DLG2: variants seen among roughly 807,000 people sequenced by gnomAD.
DLG2 encodes discs large MAGUK scaffold protein 2, also known as disks large homolog 2.
In DLG2, 45 loss-of-function variants were observed where a neutral mutation model predicts 132.5. The ratio of observed to expected loss-of-function variants is 0.34; its 90% CI spans 0.27 to 0.44. The LOEUF is 0.44. Ranked by LOEUF, DLG2 falls within the 20% of genes least tolerant of loss-of-function variation. DLG2 has a pLI of 1.00. For missense variants in DLG2, 1,045 were observed against 1,196.9 expected (o/e 0.87, Z 1.87); for synonymous variants, 424 against 419.6 (o/e 1.01, Z -0.13).
At chr11:85,391,589 A>G (rs1469633050) in intron 3 of DLG2, among the ~76,000 whole-genome samples, 3 of 152,172 alleles carry the variant, frequency 2.0e-5, no homozygotes, top group Admixed American at 6.6e-5. Flanking sequence ...ATCATCCACC[A>G]TGATCAAGTG....
intron 6 of DLG2, among the ~76,000 whole-genome samples, chr11:84,598,797 C>T (rs907532165): frequency 6.6e-5 from 10 of 151,690 alleles, no homozygotes; most frequent in Admixed American, 3.3e-4. Context: ...AAAATTTAGC[C>T]GGGCATGGTG....
chr11:83,636,433 T>C (rs1451806533), intron 18 of DLG2, among the ~76,000 whole-genome samples: 2 of 152,174 alleles, frequency 1.3e-5, no homozygotes, highest in Non-Finnish European at 2.9e-5. Flanking sequence ...ACTGAAATTG[T>C]CCATTTTCAT....
chr11:84,044,384 T>G lies in DLG2; in HGVS notation c.919+14931A>C, dbSNP rs117978603. The stretch of plus-strand genomic sequence containing the variant: ...GGGCAGCTCAATTGGACATTCTATT[T>G]GCTCTGATATAACGCATGTGACTGG... On this transcript the variant is annotated intron_variant, in intron 11 of 27. Transcript: ENST00000376104. Among the ~76,000 whole-genome samples, 11 of 151,914 alleles carry G rather than the reference T, an allele frequency of 7.2e-5. 1 individual carries two copies. The East Asian group carries it at 2.1e-3, about 30-fold the overall frequency.
At chr11:84,866,116 C>G (rs1001575264) in intron 6 of DLG2, among the ~76,000 whole-genome samples, 10 of 152,182 alleles carry the variant, frequency 6.6e-5, no homozygotes, top group African/African-American at 2.4e-4. Flanking sequence ...ATGATAGAAG[C>G]CAGGGTAATC....
intron 6 of DLG2, among the ~76,000 whole-genome samples, chr11:84,560,356 C>T (rs1383389435): frequency 1.3e-5 from 2 of 152,104 alleles, no homozygotes; most frequent in Non-Finnish European, 2.9e-5. Flanking sequence ...ATTAGGAGGG[C>T]TCACATTTTA....
At chr11:83,962,372 C>G (rs114592262) in intron 14 of DLG2, among the ~76,000 whole-genome samples, 2,626 of 152,112 alleles carry the variant, frequency 0.017, 80 homozygotes, top group African/African-American at 0.059. Context: ...TACCCTGGGA[C>G]AGGTCACTCT....
At chr11:83,818,817 G>A (rs575479685) in intron 17 of DLG2, among the ~76,000 whole-genome samples, 2 of 152,214 alleles carry the variant, frequency 1.3e-5, no homozygotes, top group African/African-American at 2.4e-5. Flanking sequence ...GAATATGAAC[G>A]TAAAAAGACA....
At chr11:84,903,992 T>C (rs1012222038) in intron 6 of DLG2, among the ~76,000 whole-genome samples, 5 of 152,270 alleles carry the variant, frequency 3.3e-5, no homozygotes, top group African/African-American at 9.6e-5. Flanking sequence ...CAAATGACTA[T>C]AGGCTTATGC....
chr11:85,053,199 A>C (rs930268699), intron 6 of DLG2, among the ~76,000 whole-genome samples: 2 of 152,124 alleles, frequency 1.3e-5, no homozygotes, highest in Non-Finnish European at 2.9e-5. Context: ...ATTATCATTG[A>C]ATTACCTTCC....
In DLG2 at chr11:84,153,949, G is replaced by A. The variant is rs116610954; in HGVS notation, c.624+9512C>T. On this transcript the variant is annotated intron_variant, in intron 9 of 27. Transcript: ENST00000376104. ...GCACTGATTCTTTCTCACCTGAGAC[G>A]GCTGCATTCCTTTATCTTACATTGC... Among the ~76,000 whole-genome samples the A allele has an allele frequency of 1.4e-3, 212 of 152,216 alleles. 1 individual carries two copies. Among genetic ancestry groups the A allele is most frequent in the African/African-American group, 4.6e-3 (190 of 41,544 alleles).
chr11:85,417,492 T>C (rs985188894), intron 3 of DLG2, among the ~76,000 whole-genome samples: 2 of 152,140 alleles, frequency 1.3e-5, no homozygotes, highest in African/African-American at 4.8e-5. Context: ...TCTTTTTCTA[T>C]TGGTTGGAAT....
chr11:84,645,919 C>T (rs992270221), intron 6 of DLG2, among the ~76,000 whole-genome samples: 8 of 152,284 alleles, frequency 5.3e-5, no homozygotes, highest in African/African-American at 1.9e-4. Flanking sequence ...ACCTGGTTCA[C>T]AACATTCAGG....
At chr11:84,803,581 A>G (rs2075669861) in intron 6 of DLG2, among the ~76,000 whole-genome samples, 1 of 152,196 alleles carries the variant, frequency 6.6e-6, no homozygotes, top group South Asian at 2.1e-4. Context: ...CTTACACTAC[A>G]TGACTACCCT....
At chr11:85,550,438 C>T (rs2076596320) in intron 3 of DLG2, among the ~76,000 whole-genome samples, 1 of 152,260 alleles carries the variant, frequency 6.6e-6, no homozygotes, top group South Asian at 2.1e-4. Context: ...CCTGCACCCA[C>T]TCACCTGCGT....
chr11:84,283,607 C>A lies in DLG2; in HGVS notation c.520-32316G>T, dbSNP rs138683943. On this transcript the variant is annotated intron_variant, in intron 7 of 27. Transcript: ENST00000376104. ...TAAGGTAATTGTAGATTCACCTTTCCTAACCACCATTACACCCTAGTCTAA... is the reference window on the plus strand; with the variant it reads ...TAAGGTAATTGTAGATTCACCTTTCATAACCACCATTACACCCTAGTCTAA... 7.9e-5 allele frequency among the ~76,000 whole-genome samples: 12 copies of A among 152,214 alleles called. No homozygotes were observed. In the East Asian group the frequency reaches 2.3e-3, roughly 29 times the overall value.
intron 4 of DLG2, among the ~76,000 whole-genome samples, chr11:85,237,046 A>G (rs553664050): frequency 2.7e-4 from 41 of 152,206 alleles, no homozygotes; most frequent in Admixed American, 2.4e-3. Flanking sequence ...TCATGAGACC[A>G]TAACAATCTG....
intron 3 of DLG2, among the ~76,000 whole-genome samples, chr11:85,523,267 C>T (rs1016404850): frequency 1.3e-5 from 2 of 152,030 alleles, no homozygotes; most frequent in Non-Finnish European, 2.9e-5. Context: ...TGTTTGTTTC[C>T]CCTCCCACCA....
intron 14 of DLG2, among the ~76,000 whole-genome samples, chr11:83,956,528 C>G (rs532414178): frequency 3.3e-5 from 5 of 152,352 alleles, no homozygotes; most frequent in African/African-American, 1.2e-4. Context: ...CTGAAGCAAC[C>G]AGCTGGATCC....
At chr11:84,687,078 T>C (rs895861506) in intron 6 of DLG2, 2 of 152,108 alleles carry the variant, frequency 1.3e-5, no homozygotes, top group East Asian at 3.9e-4. Flanking sequence ...TGTTTTATGA[T>C]GTGCCTTTTA....
Sources: gnomAD v4.1 joint callset for allele counts (sites outside exome capture counted in the v4.1 genomes callset) on GRCh38, gnomAD v4.1.1 for gene constraint, MANE v1.5 for transcripts, NCBI Gene and HGNC (gene_info 2026-07-23, HGNC 2026-07-21) for gene names.